The following EXPH5 variants were observed in gnomAD, a reference collection of about 807,000 sequenced individuals.
The protein encoded by EXPH5 is exophilin-5.
A neutral mutation model predicts 41.1 loss-of-function variants in EXPH5; 42 were observed. The ratio of observed to expected loss-of-function variants is 1.02; its 90% CI spans 0.80 to 1.32. EXPH5 has a LOEUF of 1.32. Among genes scored for constraint, EXPH5 ranks in the 40% most tolerant of loss-of-function variants. EXPH5 has a pLI of 0.00. For synonymous variants in EXPH5, 798 were observed against 833.5 expected, an observed-to-expected ratio of 0.96 and a Z score of 0.73; for missense variants, 2,298 against 2,314.5, an observed-to-expected ratio of 0.99 and a Z score of 0.15.
At position 108,528,145 on chromosome 11, in the gene EXPH5, T is replaced by A. The variant is rs768144634; in HGVS notation, c.483A>T (p.Gly161=). The A allele has an allele frequency of 4.3e-5, 69 of 1,608,128 alleles. No homozygotes were observed. In the African/African-American group the frequency reaches 9.1e-4, roughly 21 times the overall value. Residue 161 remains glycine, a synonymous_variant, in exon 4 of 6, where the codon GGA becomes GGT. Coordinates refer to ENST00000265843, the MANE Select transcript of EXPH5 (RefSeq NM_015065.3). ...TTATCTGGTTACTTACCACAGCAGC[T>A]CCCCTCACAGGCATAGGAGGTCCTG... ...GHAGPPMPVR[G]AAVQAKIYNS...
rs759880866 is a variant in EXPH5, at chr11:108,541,622, T to A, written c.280+30A>T. On this transcript the variant is annotated intron_variant, in intron 2 of 5. Transcript: ENST00000265843. Reference sequence around the variant, plus strand: ...ATACTATGCCACAGAAACAAAGAAATCAACTTTAAATCTAAAATCTTTTTC... The same window carrying A: ...ATACTATGCCACAGAAACAAAGAAAACAACTTTAAATCTAAAATCTTTTTC... 2 of 1,498,734 alleles carry A rather than the reference T, an allele frequency of 1.3e-6. 1 individual carries two copies. The highest frequency in any genetic ancestry group is 2.4e-5 in the South Asian group (2 of 83,288). 92.8% of individuals were successfully genotyped at this position (1,498,734 alleles called of 1,614,324 possible).
intron 1 of EXPH5, among the ~76,000 whole-genome samples, chr11:108,585,798 C>A (rs1198947012): frequency 6.6e-6 from 1 of 152,126 alleles, no homozygotes; most frequent in Non-Finnish European, 1.5e-5. Context: ...ATGTTGATAG[C>A]AGCATTATTT....
At chr11:108,578,268 C>T (rs1292901837) in intron 1 of EXPH5, among the ~76,000 whole-genome samples, 1 of 152,164 alleles carries the variant, frequency 6.6e-6, no homozygotes. Flanking sequence ...ATTCAGTTTT[C>T]CCAGCACCAT....
Position 108,585,997 on chromosome 11 carries a change from G to A in EXPH5, c.119+7421C>T, listed in dbSNP as rs375429368. Among the ~76,000 whole-genome samples the A allele has an allele frequency of 1.9e-4, 29 of 152,236 alleles. 1 individual carries two copies. The East Asian group carries it at 5.2e-3, about 27-fold the overall frequency. ...TCTGTAGCCCATACTGGAGTGCAGTGGCACCATCTCAGTTTACTGCAACCT... is the reference window on the plus strand; with the variant it reads ...TCTGTAGCCCATACTGGAGTGCAGTAGCACCATCTCAGTTTACTGCAACCT... On this transcript the variant is annotated intron_variant, in intron 1 of 5. Coordinates refer to ENST00000265843, the MANE Select transcript of EXPH5 (RefSeq NM_015065.3).
chr11:108,587,673 C>A (rs2094117291), intron 1 of EXPH5, among the ~76,000 whole-genome samples: 1 of 152,130 alleles, frequency 6.6e-6, no homozygotes, highest in Non-Finnish European at 1.5e-5. Context: ...AGTATTTTAC[C>A]TTCGTAACGG....
Position 108,512,503 on chromosome 11 carries a change from G to A in EXPH5, c.3004C>T (p.Leu1002Phe), listed in dbSNP as rs2093689641. The A allele has an allele frequency of 1.2e-6, 2 of 1,613,992 alleles. No individual in the cohort carries two copies. The highest frequency in any genetic ancestry group is 1.7e-6 in the Non-Finnish European group (2 of 1,179,972). ...ISVPTSDHRS[L>F]IEANQSNSKV... ...GAATTGCTTTGATTTGCTTCAATGAGGCTCCTGTGATCACTGGTGGGTACT... is the reference window on the plus strand; with the variant it reads ...GAATTGCTTTGATTTGCTTCAATGAAGCTCCTGTGATCACTGGTGGGTACT... The change falls in exon 6 of 6, where the codon CTC (leucine) becomes TTC (phenylalanine). Residue 1002 changes from leucine (L) to phenylalanine (F), a missense_variant. Physicochemically the swap from Leu to Phe is conservative, Grantham distance 22. Transcript: ENST00000265843.
intron 1 of EXPH5, among the ~76,000 whole-genome samples, chr11:108,566,511 T>C (rs1448057601): frequency 6.6e-6 from 1 of 152,168 alleles, no homozygotes. Context: ...TGAGGTTGAT[T>C]ATTATCTATT....
chr11:108,521,719 T>C (rs2093765963), intron 4 of EXPH5, among the ~76,000 whole-genome samples: 1 of 152,200 alleles, frequency 6.6e-6, no homozygotes, highest in Non-Finnish European at 1.5e-5. Context: ...GTATTAGTGA[T>C]AATAACAATT....
chr11:108,603,815 C>A, the EXPH5 span, among the ~76,000 whole-genome samples: 1 of 152,210 alleles, frequency 6.6e-6, no homozygotes, highest in African/African-American at 2.4e-5. Context: ...GGGCAGAGAG[C>A]AGTTCCTAAT....
At chr11:108,544,466 C>T (rs1290895289) in intron 1 of EXPH5, among the ~76,000 whole-genome samples, 3 of 152,184 alleles carry the variant, frequency 2.0e-5, no homozygotes, top group Non-Finnish European at 2.9e-5. Context: ...CAATGCCGAG[C>T]CCTGACTCTC....
In EXPH5 at chr11:108,514,883, G is replaced by A. The variant is rs1453029865; in HGVS notation, c.632-8C>T. On this transcript the variant is annotated splice_region_variant and splice_polypyrimidine_tract_variant and intron_variant, in intron 5 of 5. Transcript: ENST00000265843. ...TATCCAAGTCATCTAAAACTGAAAA[G>A]AGAATGTGAATCAACCTTTTTCTGT... 1.4e-6 allele frequency: 2 copies of A among 1,414,944 alleles called. No individual in the cohort carries two copies. The highest frequency in any genetic ancestry group is 9.2e-7 in the Non-Finnish European group (1 of 1,081,644). The allele number at this position is 1,414,944 out of a possible 1,614,324, so 87.6% of individuals were successfully genotyped here.
At chr11:108,538,905 T>G in intron 3 of EXPH5, 119 bp downstream of exon 3, 2 of 933,084 alleles carry the variant, frequency 2.1e-6, no homozygotes, top group Non-Finnish European at 3.2e-6. Flanking sequence ...CCTTTGTTCT[T>G]AATACCAATT....
At chr11:108,592,304 T>C (rs1565839683) in intron 1 of EXPH5, among the ~76,000 whole-genome samples, 1 of 152,144 alleles carries the variant, frequency 6.6e-6, no homozygotes, top group Non-Finnish European at 1.5e-5. Flanking sequence ...TTGGGCTTAG[T>C]GTATTCTAAT....
chr11:108,534,375 G>C (rs1042513616), intron 3 of EXPH5, among the ~76,000 whole-genome samples: 1 of 152,174 alleles, frequency 6.6e-6, no homozygotes, highest in Non-Finnish European at 1.5e-5. Context: ...CTACAGGAAT[G>C]AGTCCAAGCT....
At position 108,555,843 on chromosome 11, in the gene EXPH5, C is replaced by T. The variant is rs368737888; in HGVS notation, c.120-14031G>A. On this transcript the variant is annotated intron_variant, in intron 1 of 5. Coordinates refer to ENST00000265843, the MANE Select transcript of EXPH5 (RefSeq NM_015065.3). ...ATTATATTTGTAAGTTTCCTGAGGC[C>T]TCCCCAGCCATGCGTAACTGTGAGT... is the stretch of plus-strand genomic sequence containing the variant. Among the ~76,000 whole-genome samples the T allele has an allele frequency of 1.5e-3, 232 of 152,248 alleles. 1 individual carries two copies. The highest frequency in any genetic ancestry group is 5.4e-3 in the African/African-American group (223 of 41,532).
intron 1 of EXPH5, among the ~76,000 whole-genome samples, chr11:108,592,826 T>C (rs1213121700): frequency 1.3e-5 from 2 of 152,222 alleles, no homozygotes; most frequent in East Asian, 3.9e-4. Flanking sequence ...CATAAGCCTC[T>C]ATTTGACAAA....
At position 108,509,440 on chromosome 11, in the gene EXPH5, G is replaced by T; in HGVS notation, c.*97C>A. The T allele has an allele frequency of 1.7e-6, 2 of 1,209,978 alleles. No homozygotes were observed. The highest frequency in any genetic ancestry group is 2.3e-6 in the Non-Finnish European group (2 of 875,078). 75.0% of individuals were successfully genotyped at this position (1,209,978 alleles called of 1,614,324 possible). ...GACATTTCAGAGCAGACACTGCCCA[G>T]ACTAGATCTTTTATCCTTCCATGCA... On this transcript the variant is annotated 3_prime_UTR_variant, in exon 6 of 6. Transcript: ENST00000265843.
chr11:108,556,828 C>A (rs1282134953), intron 1 of EXPH5, among the ~76,000 whole-genome samples: 1 of 152,158 alleles, frequency 6.6e-6, no homozygotes, highest in Non-Finnish European at 1.5e-5. Context: ...ATCATGCCAT[C>A]CCCTGCTTAA....
At chr11:108,535,706 G>C (rs987974365) in intron 3 of EXPH5, among the ~76,000 whole-genome samples, 1 of 152,220 alleles carries the variant, frequency 6.6e-6, no homozygotes, top group Non-Finnish European at 1.5e-5. Context: ...TGGACTGTCT[G>C]AGCCGTGTAC....
Sources: allele counts gnomAD v4.1 joint callset (sites outside exome capture counted in the v4.1 genomes callset), GRCh38; gene constraint gnomAD v4.1.1; transcripts MANE v1.5; gene names NCBI Gene and HGNC (gene_info 2026-07-23, HGNC 2026-07-21).